VPS13C: variants seen among roughly 807,000 people sequenced by gnomAD.
VPS13C encodes the protein vacuolar protein sorting 13 homolog C.
In VPS13C, 358 loss-of-function variants were observed where a neutral mutation model predicts 456.8. The ratio of observed to expected loss-of-function variants is 0.78; its 90% CI spans 0.72 to 0.86. The LOEUF is 0.86. VPS13C is among the 40% of genes least tolerant of loss of function. VPS13C has a pLI of 0.00. For missense variants in VPS13C, 4,818 were observed against 4,385.4 expected, an observed-to-expected ratio of 1.10 and a Z score of -2.79; for synonymous variants, 1,578 against 1,486.7, an observed-to-expected ratio of 1.06 and a Z score of -1.41.
At chr15:62,005,931 A>G (rs186862677) in intron 15 of VPS13C, among the ~76,000 whole-genome samples, 1,656 of 151,184 alleles carry the variant, frequency 0.011, 38 homozygotes, top group African/African-American at 0.038. Context: ...CTCCAATTCC[A>G]GACCTCAGGT....
In VPS13C at chr15:61,858,512, A is replaced by G. The variant is rs141257539; in HGVS notation, c.10953-2103T>C. ...AGCTGCCACAGTCTCTATGGTAGAC[A>G]GAATTCTAAGACAAGTCTCCAAGAT... is the stretch of plus-strand genomic sequence containing the variant. On this transcript the variant is annotated intron_variant, in intron 82 of 84. Transcript: ENST00000644861. This position sits in a 1 kb window ranked among gnomAD's most constrained non-coding sequence, Gnocchi z 4.4. Among the ~76,000 whole-genome samples the G allele has an allele frequency of 5.1e-3, 776 of 152,300 alleles. 9 individuals carry two copies. The highest frequency in any genetic ancestry group is 0.018 in the African/African-American group (737 of 41,574).
intron 16 of VPS13C, among the ~76,000 whole-genome samples, chr15:61,997,068 A>G (rs987671877): frequency 6.6e-6 from 1 of 151,862 alleles, no homozygotes; most frequent in Non-Finnish European, 1.5e-5. Context: ...GAAGAGAATA[A>G]AAAGAAATTG....
chr15:61,872,261 A>C (rs1366802456), intron 78 of VPS13C, among the ~76,000 whole-genome samples: 1 of 152,182 alleles, frequency 6.6e-6, no homozygotes, highest in Non-Finnish European at 1.5e-5. Flanking sequence ...ATTTTATAAA[A>C]GAAACAGGAG....
chr15:61,993,951 T>C (rs888357213), intron 16 of VPS13C, among the ~76,000 whole-genome samples: 1 of 151,952 alleles, frequency 6.6e-6, no homozygotes, highest in African/African-American at 2.4e-5. Flanking sequence ...CCTATAGTTA[T>C]TTCAAAGCAT....
Position 62,045,695 on chromosome 15 carries a change from C to G in VPS13C, c.101-1440G>C, listed in dbSNP as rs552675198. Among the ~76,000 whole-genome samples the G allele has an allele frequency of 4.9e-4, 74 of 151,972 alleles. 1 individual carries two copies. In the South Asian group the frequency reaches 0.015, roughly 32 times the overall value. On this transcript the variant is annotated intron_variant, in intron 1 of 84. Coordinates refer to ENST00000644861, the MANE Select transcript of VPS13C (RefSeq NM_020821.3). ...ATTACTCAACTGTCCTAAGGAATAA[C>G]TATTGATCTGTCCAAACAATTTAGC...
chr15:62,028,507 T>C (rs1236642376), intron 5 of VPS13C, 87 bp from the exon 6 acceptor site: 1 of 1,272,182 alleles, frequency 7.9e-7, no homozygotes, highest in Non-Finnish European at 1.1e-6. Flanking sequence ...CTAAATTTAA[T>C]TTCATATAAT....
intron 5 of VPS13C, among the ~76,000 whole-genome samples, chr15:62,033,192 C>T (rs1192570109): frequency 3.3e-5 from 5 of 150,976 alleles, no homozygotes; most frequent in African/African-American, 1.2e-4. Context: ...CAAACTAGCA[C>T]AATAAAAATG....
At chr15:62,001,678 C>T (rs561383175) in intron 15 of VPS13C, among the ~76,000 whole-genome samples, 2 of 152,278 alleles carry the variant, frequency 1.3e-5, no homozygotes, top group Admixed American at 6.5e-5. Context: ...CTCCCCACAA[C>T]CCACAACAGT....
intron 1 of VPS13C, among the ~76,000 whole-genome samples, chr15:62,051,287 G>C (rs907299993): frequency 2.0e-5 from 3 of 152,130 alleles, no homozygotes; most frequent in Admixed American, 6.5e-5. Flanking sequence ...ATTGTACTGG[G>C]GTGGAACCAA....
rs778103115 is a variant in VPS13C at position 61,922,736 on chromosome 15, C to G, written c.6636G>C (p.Val2212=). The change falls in exon 54 of 85, where the codon GTG becomes GTC. Residue 2212 remains valine, a synonymous_variant. Coordinates refer to ENST00000644861, the MANE Select transcript of VPS13C (RefSeq NM_020821.3). ...IKISPIILNT[V]LTIMAALSPK... ...GAGACAATGCAGCCATGATTGTCAA[C>G]ACAGTATTAAGAATTATGGGTGAAA... 6.6e-5 allele frequency: 106 copies of G among 1,606,660 alleles called. No individual in the cohort carries two copies. The Middle Eastern group carries it at 2.3e-3, about 35-fold the overall frequency.
intron 84 of VPS13C, 21 bp downstream of exon 84, chr15:61,854,850 C>T: frequency 2.5e-6 from 4 of 1,586,524 alleles, no homozygotes; most frequent in South Asian, 2.3e-5. Context: ...AAAATTGAGG[C>T]ATGCTCTTTA....
intron 16 of VPS13C, among the ~76,000 whole-genome samples, chr15:61,998,103 T>C (rs1025050029): frequency 1.3e-5 from 2 of 152,174 alleles, no homozygotes; most frequent in African/African-American, 4.8e-5. Flanking sequence ...GTTAGTTTCC[T>C]GAATGAGCCA....
At chr15:62,025,953 A>T (rs1355199202) in intron 6 of VPS13C, among the ~76,000 whole-genome samples, 1 of 151,476 alleles carries the variant, frequency 6.6e-6, no homozygotes, top group Non-Finnish European at 1.5e-5. Context: ...TATATTTTTT[A>T]AACACAATGT....
intron 52 of VPS13C, among the ~76,000 whole-genome samples, chr15:61,926,012 C>G (rs2043835120): frequency 6.6e-6 from 1 of 152,022 alleles, no homozygotes; most frequent in African/African-American, 2.4e-5. Context: ...AATTGTGAAG[C>G]CTATATTCTT....
At chr15:62,012,218 TCAGA>T (rs2047066626) in intron 11 of VPS13C, 54 bp from the exon 12 acceptor site, 4 of 759,364 alleles carry the variant, frequency 5.3e-6, no homozygotes, top group South Asian at 1.6e-5. Context: ...ATATTCAGAC[TCAGA>T]CACACACACA....
chr15:61,999,670 T>C (rs1007071563), intron 16 of VPS13C, among the ~76,000 whole-genome samples: 1 of 152,104 alleles, frequency 6.6e-6, no homozygotes, highest in African/African-American at 2.4e-5. Context: ...ATTTGTAATT[T>C]TTTTTCATCA....
chr15:62,000,413 T>C (rs1219533266), intron 16 of VPS13C, 151 bp downstream of exon 16: 2 of 651,174 alleles, frequency 3.1e-6, no homozygotes, highest in Non-Finnish European at 5.1e-6. Context: ...TTCATATTAG[T>C]GGCTTTTTTT....
At chr15:61,942,246 A>T (rs2044453620) in intron 45 of VPS13C, among the ~76,000 whole-genome samples, 179 bp from the exon 46 acceptor site, 1 of 151,910 alleles carries the variant, frequency 6.6e-6, no homozygotes, top group African/African-American at 2.4e-5. Flanking sequence ...AACAATAGTT[A>T]CTGTAGGAAG....
At chr15:61,979,712 C>G (rs181449090) in intron 22 of VPS13C, among the ~76,000 whole-genome samples, 1 of 152,198 alleles carries the variant, frequency 6.6e-6, no homozygotes, top group African/African-American at 2.4e-5. Context: ...GACATTTCAA[C>G]TGATTCAGCT....
Sources: allele counts gnomAD v4.1 joint callset (sites outside exome capture counted in the v4.1 genomes callset), GRCh38; gene constraint gnomAD v4.1.1; non-coding constraint Gnocchi (gnomAD v3.1); transcripts MANE v1.5; gene names NCBI Gene and HGNC (gene_info 2026-07-23, HGNC 2026-07-21).